KRTAP10-11: variants seen among roughly 807,000 people sequenced by gnomAD.
KRTAP10-11 encodes keratin-associated protein 10-11.
For missense variants in KRTAP10-11, 401 were observed against 378.8 expected, an observed-to-expected ratio of 1.06 and a Z score of -0.49; for synonymous variants, 188 against 161.1, an observed-to-expected ratio of 1.17 and a Z score of -1.27.
In KRTAP10-11 at chr21:44,647,026, G is replaced by A. The variant is rs782605215; in HGVS notation, c.568G>A (p.Val190Met). 8.1e-6 allele frequency: 13 copies of A among 1,613,406 alleles called. No individual in the cohort carries two copies. Among genetic ancestry groups the A allele is most frequent in the African/African-American group, 2.7e-5 (2 of 74,638 alleles). The part of the protein sequence containing the change: ...TSSSYQQACC[V>M]PVCCKTVYCK... ...CTCCTCCTACCAGCAGGCCTGCTGC[G>A]TGCCTGTCTGCTGCAAGACTGTCTA... Residue 190 changes from valine (V) to methionine (M), a missense_variant, in exon 1 of 1, where the codon GTG becomes ATG. By Grantham distance (21) the Val-to-Met change is conservative. Coordinates refer to ENST00000334670, the MANE Select transcript of KRTAP10-11 (RefSeq NM_198692.3).
chr21:44,646,448 C>T lies in KRTAP10-11; in HGVS notation c.-11C>T, dbSNP rs369223785. 3.1e-6 allele frequency: 5 copies of T among 1,597,536 alleles called. No individual in the cohort carries two copies. The highest frequency in any genetic ancestry group is 4.3e-6 in the Non-Finnish European group (5 of 1,171,992). ...TACACCTCCCCCAGCTCACCTCCTCCCCACCCCAGCATGGCCGCGTCCACC... is the reference window on the plus strand; with the variant it reads ...TACACCTCCCCCAGCTCACCTCCTCTCCACCCCAGCATGGCCGCGTCCACC... On this transcript the variant is annotated 5_prime_UTR_variant, in exon 1 of 1. Transcript: ENST00000334670.
chr21:44,647,009 A>G lies in KRTAP10-11; in HGVS notation c.551A>G (p.Tyr184Cys), dbSNP rs587598057. ...CCAGCTTGCTGCACCTCCTCCTCCT[A>G]CCAGCAGGCCTGCTGCGTGCCTGTC... is the stretch of plus-strand genomic sequence containing the variant. The part of the protein sequence containing the change: ...CQPACCTSSS[Y>C]QQACCVPVCC... The change falls in exon 1 of 1, where the codon TAC becomes TGC. Residue 184 changes from tyrosine to cysteine, a missense_variant. Coordinates refer to ENST00000334670, the MANE Select transcript of KRTAP10-11 (RefSeq NM_198692.3). 1.5e-4 allele frequency: 229 copies of G among 1,536,886 alleles called. No homozygotes were observed. In the East Asian group the frequency reaches 2.1e-3, roughly 14 times the overall value.
rs782237768 is a variant in KRTAP10-11 at position 44,647,089 on chromosome 21, G to A, written c.631G>A (p.Ala211Thr). The change falls in exon 1 of 1, where the codon GCT becomes ACT. Residue 211 changes from alanine to threonine, a missense_variant. Coordinates refer to ENST00000334670, the MANE Select transcript of KRTAP10-11 (RefSeq NM_198692.3). Reference protein sequence around the residue: ...PICCVPVCSRASSSRCQQPSC... With the variant: ...PICCVPVCSRTSSSRCQQPSC... ...CTGCTGTGTGCCTGTCTGCTCTAGG[G>A]CTTCCTCTTCACGCTGCCAGCAGCC... 2.9e-5 allele frequency: 47 copies of A among 1,613,422 alleles called. No individual in the cohort carries two copies. The highest frequency in any genetic ancestry group is 3.8e-5 in the Non-Finnish European group (45 of 1,179,796).
chr21:44,646,526 CAG>C, the KRTAP10-11 span: 1 of 1,612,686 alleles, frequency 6.2e-7, no homozygotes, highest in Admixed American at 1.7e-5. Flanking sequence ...GACGACTGCC[CAG>C]AGAGCTGCTG....
chr21:44,647,608 C>G lies in KRTAP10-11; in HGVS notation c.*253C>G. The G allele has an allele frequency of 1.8e-6, 1 of 564,534 alleles. No homozygotes were observed. The allele number at this position is 564,534 out of a possible 1,614,324, so 35.0% of individuals were successfully genotyped here. On this transcript the variant is annotated 3_prime_UTR_variant, in exon 1 of 1. Coordinates refer to ENST00000334670, the MANE Select transcript of KRTAP10-11 (RefSeq NM_198692.3). ...AATGTGTTGCTTATACCCAATGTGA[C>G]AAAGAAGAACTGCTCTAATCAATAA...
In KRTAP10-11 at chr21:44,647,505, C is replaced by T; in HGVS notation, c.*150C>T. On this transcript the variant is annotated 3_prime_UTR_variant, in exon 1 of 1. Coordinates refer to ENST00000334670, the MANE Select transcript of KRTAP10-11 (RefSeq NM_198692.3). ...GGGGATTTTGAGCGCGTCACACTTT[C>T]CTCCCCACTGTCTGGGAAGAGACAA... The T allele has an allele frequency of 2.1e-6, 2 of 936,450 alleles. No homozygotes were observed. The highest frequency in any genetic ancestry group is 1.6e-6 in the Non-Finnish European group (1 of 628,714). The allele number at this position is 936,450 out of a possible 1,614,324, so 58.0% of individuals were successfully genotyped here. A position where few individuals can be genotyped will look rare whatever the true frequency, so the allele number is the denominator to read the frequency against.
the KRTAP10-11 span, chr21:44,647,293 CG>C: frequency 6.2e-7 from 1 of 1,612,170 alleles, no homozygotes; most frequent in East Asian, 2.2e-5. Flanking sequence ...CCTCCTCTGC[CG>C]CCCCGCAAGC....
Position 44,647,308 on chromosome 21 carries a change from C to T in KRTAP10-11, c.850C>T (p.Arg284Cys), listed in dbSNP as rs1220623709. The T allele has an allele frequency of 1.4e-5, 23 of 1,613,830 alleles. No homozygotes were observed. The highest frequency in any genetic ancestry group is 4.0e-5 in the African/African-American group (3 of 74,924). Residue 284 changes from arginine (R) to cysteine (C), a missense_variant, in exon 1 of 1, where the codon CGC (arginine) becomes TGC (cysteine). By Grantham distance (180) the Arg-to-Cys change is radical. Coordinates refer to ENST00000334670, the MANE Select transcript of KRTAP10-11 (RefSeq NM_198692.3). Reference protein sequence around the residue: ...VSLLCRPASSRLACYSLCSGK... With the variant: ...VSLLCRPASSCLACYSLCSGK... Reference sequence around the variant, plus strand: ...CCTCCTCTGCCGCCCCGCAAGCTCCCGCCTGGCCTGCTACAGCCTCTGCTC... The same window carrying T: ...CCTCCTCTGCCGCCCCGCAAGCTCCTGCCTGGCCTGCTACAGCCTCTGCTC...
rs782020061 is a variant in KRTAP10-11, at chr21:44,647,105, G to A, written c.647G>A (p.Cys216Tyr). Residue 216 changes from cysteine (C) to tyrosine (Y), a missense_variant, in exon 1 of 1, where the codon TGC (cysteine) becomes TAC (tyrosine). Coordinates refer to ENST00000334670, the MANE Select transcript of KRTAP10-11 (RefSeq NM_198692.3). ...TGCTCTAGGGCTTCCTCTTCACGCTGCCAGCAGCCTAGCTGCCAGCCAGCT... is the reference window on the plus strand; with the variant it reads ...TGCTCTAGGGCTTCCTCTTCACGCTACCAGCAGCCTAGCTGCCAGCCAGCT... Reference protein sequence around the residue: ...PVCSRASSSRCQQPSCQPACC... With the variant: ...PVCSRASSSRYQQPSCQPACC... 6.2e-7 allele frequency: 1 copy of A among 1,613,846 alleles called. No homozygotes were observed. Among genetic ancestry groups the A allele is most frequent in the South Asian group, 1.1e-5 (1 of 91,062 alleles).
rs782018680 is a variant in KRTAP10-11, at chr21:44,646,568, G to A, written c.110G>A (p.Cys37Tyr). 1 of 1,612,348 alleles carries A rather than the reference G, an allele frequency of 6.2e-7. No individual in the cohort carries two copies. Among genetic ancestry groups the A allele is most frequent in the Non-Finnish European group, 8.5e-7 (1 of 1,179,894 alleles). Residue 37 changes from cysteine to tyrosine, a missense_variant, in exon 1 of 1, where the codon TGC becomes TAC. By Grantham distance (194) the Cys-to-Tyr change is radical (BLOSUM62 -2). Transcript: ENST00000334670. The stretch of plus-strand genomic sequence containing the variant: ...CCCCCCTGCAGCGCCCCCAGCTGCT[G>A]CGCCCCGGCCCCCTCCCTGAGCCTG... ...CEPPCSAPSC[C>Y]APAPSLSLVC...
chr21:44,646,444 C>T lies in KRTAP10-11; in HGVS notation c.-15C>T, dbSNP rs782218809. On this transcript the variant is annotated 5_prime_UTR_variant, in exon 1 of 1. Transcript: ENST00000334670. ...CACTTACACCTCCCCCAGCTCACCT[C>T]CTCCCCACCCCAGCATGGCCGCGTC... is the stretch of plus-strand genomic sequence containing the variant. 2 of 1,594,650 alleles carry T rather than the reference C, an allele frequency of 1.3e-6. No individual in the cohort carries two copies. The highest frequency in any genetic ancestry group is 2.3e-5 in the South Asian group (2 of 86,516).
Position 44,646,952 on chromosome 21 carries a change from C to T in KRTAP10-11, c.494C>T (p.Ser165Phe), listed in dbSNP as rs782094756. The T allele has an allele frequency of 1.9e-6, 3 of 1,612,856 alleles. No individual in the cohort carries two copies. The South Asian group carries it at 3.3e-5, about 18-fold the overall frequency. ...TGTGTGTCCACCTGCTCTGAGGATT[C>T]CTCTTCATGCTGCCAGCAGTCTAGC... Reference protein sequence around the residue: ...VCCVSTCSEDSSSCCQQSSCQ... With the variant: ...VCCVSTCSEDFSSCCQQSSCQ... Residue 165 changes from serine to phenylalanine, a missense_variant, in exon 1 of 1, where the codon TCC (serine) becomes TTC (phenylalanine). Coordinates refer to ENST00000334670, the MANE Select transcript of KRTAP10-11 (RefSeq NM_198692.3).
Position 44,646,600 on chromosome 21 carries a change from A to C in KRTAP10-11, c.142A>C (p.Thr48Pro), listed in dbSNP as rs1384128700. The C allele has an allele frequency of 1.2e-6, 2 of 1,612,052 alleles. No homozygotes were observed. Among genetic ancestry groups the C allele is most frequent in the African/African-American group, 2.7e-5 (2 of 74,698 alleles). ...GGCCCCCTCCCTGAGCCTGGTCTGC[A>C]CCCCAGTGAGCTGTGTGTCCAGCCC... ...APAPSLSLVC[T>P]PVSCVSSPCC... is the part of the protein sequence containing the mutation. The change falls in exon 1 of 1, where the codon ACC becomes CCC. Residue 48 changes from threonine to proline, a missense_variant. By Grantham distance (38) the Thr-to-Pro change is conservative. Coordinates refer to ENST00000334670, the MANE Select transcript of KRTAP10-11 (RefSeq NM_198692.3).
At chr21:44,646,509 G>A in the KRTAP10-11 span, 1 of 1,612,910 alleles carries the variant, frequency 6.2e-7, no homozygotes, top group Admixed American at 1.7e-5. Context: ...CCGACTCCTG[G>A]CAGGTGGACG....
chr21:44,647,232 C>T lies in KRTAP10-11; in HGVS notation c.774C>T (p.Ala258=), dbSNP rs1555940328. Residue 258 remains alanine (A), a synonymous_variant, in exon 1 of 1, where the codon GCC becomes GCT. Coordinates refer to ENST00000334670, the MANE Select transcript of KRTAP10-11 (RefSeq NM_198692.3). ...TCCVPVSSCC[A]PTSSCQSSCC... The stretch of plus-strand genomic sequence containing the variant: ...GTGTGCCCGTCTCCTCCTGCTGTGC[C>T]CCCACCTCCTCCTGCCAGTCCAGCT... 3.1e-6 allele frequency: 5 copies of T among 1,605,374 alleles called. No homozygotes were observed. In the Admixed American group the frequency reaches 6.8e-5, roughly 22 times the overall value.
Position 44,647,370 on chromosome 21 carries a change from T to G in KRTAP10-11, c.*15T>G. The stretch of plus-strand genomic sequence containing the variant: ...CCAGCTGCTGAGTGCTCAATCCTTG[T>G]CTCCTGCTGACTGTGTCTTTGCTGC... On this transcript the variant is annotated 3_prime_UTR_variant, in exon 1 of 1. Transcript: ENST00000334670. 1.2e-6 allele frequency: 2 copies of G among 1,610,062 alleles called. No individual in the cohort carries two copies. The highest frequency in any genetic ancestry group is 1.7e-6 in the Non-Finnish European group (2 of 1,177,168).
chr21:44,647,266 C>T lies in KRTAP10-11; in HGVS notation c.808C>T (p.Pro270Ser), dbSNP rs782424379. The change falls in exon 1 of 1, where the codon CCG (proline) becomes TCG (serine). Residue 270 changes from proline (P) to serine (S), a missense_variant. By Grantham distance (74) the Pro-to-Ser change is moderately conservative. Transcript: ENST00000334670. Reference protein sequence around the residue: ...TSSCQSSCCRPASCVSLLCRP... With the variant: ...TSSCQSSCCRSASCVSLLCRP... ...CTCCTGCCAGTCCAGCTGCTGCCGC[C>T]CGGCCTCCTGCGTGTCCCTCCTCTG... 6.2e-7 allele frequency: 1 copy of T among 1,602,588 alleles called. No homozygotes were observed.
At position 44,646,467 on chromosome 21, in the gene KRTAP10-11, G is replaced by A. The variant is rs782341003; in HGVS notation, c.9G>A (p.Ala3=). The A allele has an allele frequency of 1.4e-5, 22 of 1,607,448 alleles. No homozygotes were observed. Among genetic ancestry groups the A allele is most frequent in the South Asian group, 4.4e-5 (4 of 90,438 alleles). ...CTCCTCCCCACCCCAGCATGGCCGC[G>A]TCCACCATGTCTGTCTGCTCCAGCG... MA[A]STMSVCSSAY... The change falls in exon 1 of 1, where the codon GCG becomes GCA. Residue 3 remains alanine (A), a synonymous_variant. Transcript: ENST00000334670.
rs779037491 is a variant in KRTAP10-11, at chr21:44,646,685, C to T, written c.227C>T (p.Thr76Met). The T allele has an allele frequency of 1.6e-5, 26 of 1,614,010 alleles. No homozygotes were observed. The highest frequency in any genetic ancestry group is 2.2e-5 in the East Asian group (1 of 44,896). Residue 76 changes from threonine (T) to methionine (M), a missense_variant, in exon 1 of 1, where the codon ACG becomes ATG. Thr to Met is a moderately conservative substitution (Grantham distance 81). Coordinates refer to ENST00000334670, the MANE Select transcript of KRTAP10-11 (RefSeq NM_198692.3). The part of the protein sequence containing the change: ...ACQSGCTSSC[T>M]PSCCQQSSCQ... ...CAATCAGGCTGCACCAGCTCCTGCA[C>T]GCCGTCATGCTGCCAGCAGTCTAGC...
Sources: allele counts gnomAD v4.1 joint callset, GRCh38; gene constraint gnomAD v4.1.1; transcripts MANE v1.5; gene names NCBI Gene and HGNC (gene_info 2026-07-23, HGNC 2026-07-21).